ZNF827: variants seen among roughly 807,000 people sequenced by gnomAD.
ZNF827 encodes zinc finger protein 827.
In ZNF827, 13 loss-of-function variants were observed where a neutral mutation model predicts 102.4. The observed-to-expected ratio is 0.13, with a 90% CI of 0.08 to 0.20. ZNF827 has a LOEUF of 0.20. ZNF827 is among the 10% of genes least tolerant of loss of function. The pLI is 1.00. For missense variants in ZNF827, 1,103 were observed against 1,344.4 expected, an observed-to-expected ratio of 0.82 and a Z score of 2.81; for synonymous variants, 523 against 536.2, an observed-to-expected ratio of 0.98 and a Z score of 0.34.
intron 4 of ZNF827, among the ~76,000 whole-genome samples, chr4:145,879,663 A>G (rs1979974): frequency 0.44 from 67,164 of 151,926 alleles, 15,037 homozygotes; most frequent in Admixed American, 0.51. Context: ...AGAAATACAC[A>G]GTACGCTGTG....
chr4:145,841,540 CTCATT>C (rs1745418205), intron 7 of ZNF827, among the ~76,000 whole-genome samples: 1 of 152,184 alleles, frequency 6.6e-6, no homozygotes, highest in African/African-American at 2.4e-5. Context: ...CTCTCCTCAT[CTCATT>C]TGTCAGATAG....
chr4:145,875,020 T>G (rs1749033845), intron 4 of ZNF827, among the ~76,000 whole-genome samples: 1 of 152,210 alleles, frequency 6.6e-6, no homozygotes, highest in South Asian at 2.1e-4. Flanking sequence ...GGAAAGCTGC[T>G]GGGATAAGAT....
rs139923817 is a variant in ZNF827 at position 145,870,348 on chromosome 4, T to C, written c.1878A>G (p.Pro626=). Residue 626 remains proline (P), a synonymous_variant, in exon 5 of 15, where the codon CCA becomes CCG. Coordinates refer to ENST00000508784, the MANE Select transcript of ZNF827 (RefSeq NM_001306215.2). ...VFSPESEVSA[P]GVSEDALKPQ... ...GCTTTAGTGCGTCCTCAGAGACGCC[T>C]GGGGCTGACACTTCAGATTCCGGGC... 9.0e-5 allele frequency: 145 copies of C among 1,614,022 alleles called. No individual in the cohort carries two copies. The highest frequency in any genetic ancestry group is 1.2e-4 in the Non-Finnish European group (143 of 1,180,020).
chr4:145,828,787 G>C (rs1743918429), intron 7 of ZNF827, among the ~76,000 whole-genome samples: 1 of 152,148 alleles, frequency 6.6e-6, no homozygotes, highest in African/African-American at 2.4e-5. Context: ...ATGGGATGTG[G>C]GGTCAGCAGC....
At chr4:145,819,935 C>T (rs890690941) in intron 8 of ZNF827, 1 of 152,264 alleles carries the variant, frequency 6.6e-6, no homozygotes, top group African/African-American at 2.4e-5. Flanking sequence ...TGTGTTTATT[C>T]TGTTTCTCTG....
intron 5 of ZNF827, among the ~76,000 whole-genome samples, chr4:145,852,423 C>T (rs1031533349): frequency 5.3e-5 from 8 of 152,216 alleles, no homozygotes; most frequent in Non-Finnish European, 1.0e-4. Flanking sequence ...AAACACTGAT[C>T]ACTGATAAAA....
intron 2 of ZNF827, among the ~76,000 whole-genome samples, chr4:145,898,744 C>A (rs182478065): frequency 2.0e-5 from 3 of 152,270 alleles, no homozygotes; most frequent in Admixed American, 2.0e-4. Flanking sequence ...GAATTAAATA[C>A]ACCATGACCT....
At chr4:145,844,132 C>T (rs186869433) in intron 7 of ZNF827, among the ~76,000 whole-genome samples, 2 of 152,252 alleles carry the variant, frequency 1.3e-5, no homozygotes, top group East Asian at 3.9e-4. Flanking sequence ...GACACAAGCA[C>T]ATACACTAAA....
At chr4:145,923,993 C>T (rs61660608) in intron 1 of ZNF827, among the ~76,000 whole-genome samples, 1,856 of 152,196 alleles carry the variant, frequency 0.012, 44 homozygotes, top group African/African-American at 0.043. Context: ...CTGTTCAAAA[C>T]AGCAAAAAAA....
At chr4:145,812,290 T>C (rs1020741430) in intron 8 of ZNF827, among the ~76,000 whole-genome samples, 1 of 152,080 alleles carries the variant, frequency 6.6e-6, no homozygotes, top group East Asian at 1.9e-4. Context: ...AGATTTATTA[T>C]CACATGAGAA....
intron 8 of ZNF827, among the ~76,000 whole-genome samples, chr4:145,801,441 C>A (rs184955088): frequency 3.5e-4 from 53 of 152,292 alleles, no homozygotes; most frequent in African/African-American, 1.2e-3. Context: ...TCTGTTTTGA[C>A]GGAAACCTTT....
rs540932789 is a variant in ZNF827 at position 145,924,047 on chromosome 4, G to A, written c.43+14318C>T. 2.0e-5 allele frequency among the ~76,000 whole-genome samples: 3 copies of A among 152,332 alleles called. No homozygotes were observed. The South Asian group carries it at 6.2e-4, about 32-fold the overall frequency. ...ATCCATTGTGGTATGTTTCTACAGT[G>A]AAATACTGGAGAGCAGTGAAAATGA... On this transcript the variant is annotated intron_variant, in intron 1 of 14. Coordinates refer to ENST00000508784, the MANE Select transcript of ZNF827 (RefSeq NM_001306215.2).
At chr4:145,764,797 C>G (rs1735028175) in intron 13 of ZNF827, 191 bp downstream of exon 13, 1 of 694,102 alleles carries the variant, frequency 1.4e-6, no homozygotes, top group East Asian at 2.7e-5. Context: ...CTACTGACAT[C>G]TGTTGACACC....
chr4:145,805,995 T>A (rs1304981333), intron 8 of ZNF827, among the ~76,000 whole-genome samples: 1 of 152,066 alleles, frequency 6.6e-6, no homozygotes, highest in Non-Finnish European at 1.5e-5. Context: ...TTTCATGATG[T>A]TACCTATAAT....
At chr4:145,916,547 G>C (rs1036806272) in intron 1 of ZNF827, among the ~76,000 whole-genome samples, 1 of 152,096 alleles carries the variant, frequency 6.6e-6, no homozygotes. Context: ...AAGTACCTTT[G>C]GGGTCATTCT....
chr4:145,823,128 T>C (rs1358066562), intron 8 of ZNF827, among the ~76,000 whole-genome samples: 1 of 152,170 alleles, frequency 6.6e-6, no homozygotes, highest in Non-Finnish European at 1.5e-5. Flanking sequence ...TAAAGCAAAT[T>C]ATTTTCAGGT....
At chr4:145,801,659 A>G (rs928167423) in intron 8 of ZNF827, among the ~76,000 whole-genome samples, 2 of 152,164 alleles carry the variant, frequency 1.3e-5, no homozygotes, top group Admixed American at 1.3e-4. Flanking sequence ...GGCATAATTA[A>G]TGATTGTCAG....
intron 7 of ZNF827, among the ~76,000 whole-genome samples, chr4:145,843,923 C>T (rs574377189): frequency 6.6e-6 from 1 of 152,294 alleles, no homozygotes; most frequent in Admixed American, 6.5e-5. Flanking sequence ...TCTTCTGCCC[C>T]CATCACCTCC....
At position 145,868,140 on chromosome 4, in the gene ZNF827, A is replaced by AAGTCAC. The variant is rs576067532; in HGVS notation, c.1981+2099_1981+2104dup. On this transcript the variant is annotated intron_variant, in intron 5 of 14. Coordinates refer to ENST00000508784, the MANE Select transcript of ZNF827 (RefSeq NM_001306215.2). ...TAGGAATGAAATGATATTTGCTTTT[A>AAGTCAC]AGTCACATGCCTATTGTTATGACTA... Among the ~76,000 whole-genome samples the AAGTCAC allele has an allele frequency of 2.6e-5, 4 of 152,320 alleles. No individual in the cohort carries two copies. In the South Asian group the frequency reaches 8.3e-4, roughly 32 times the overall value.
Sources: allele counts gnomAD v4.1 joint callset (sites outside exome capture counted in the v4.1 genomes callset), GRCh38; gene constraint gnomAD v4.1.1; transcripts MANE v1.5; gene names NCBI Gene and HGNC (gene_info 2026-07-23, HGNC 2026-07-21).